MYO3B: variants seen among roughly 807,000 people sequenced by gnomAD.
The protein encoded by MYO3B is myosin-IIIb.
Under a neutral mutation model 174.6 loss-of-function variants are expected in MYO3B, and 156 were observed. The observed-to-expected ratio is 0.89, with a 90% confidence interval of 0.78 to 1.02. MYO3B has a LOEUF of 1.02. Ranked by LOEUF, MYO3B falls within the 50% of genes least tolerant of loss-of-function variation. The pLI is 0.00. For missense variants in MYO3B, 1,632 were observed against 1,639.4 expected (o/e 1.00, Z 0.08); for synonymous variants, 563 against 569.1 (o/e 0.99, Z 0.15).
intron 17 of MYO3B, among the ~76,000 whole-genome samples, chr2:170,400,665 C>T (rs372481103): frequency 6.7e-6 from 1 of 148,658 alleles, no homozygotes; most frequent in Non-Finnish European, 1.5e-5. Flanking sequence ...CCCTCGGCCT[C>T]CCAAAGTGTT....
Position 170,440,947 on chromosome 2 carries a change from G to A in MYO3B, c.2651-3020G>A, listed in dbSNP as rs903355667. Among the ~76,000 whole-genome samples, 11 of 151,028 alleles carry A rather than the reference G, an allele frequency of 7.3e-5. No homozygotes were observed. The East Asian group carries it at 1.2e-3, about 16-fold the overall frequency. On this transcript the variant is annotated intron_variant, in intron 22 of 34. Coordinates refer to ENST00000408978, the MANE Select transcript of MYO3B (RefSeq NM_138995.5). ...CTCCAGAGTAGCTGAGATTACAGGC[G>A]CGTGCCACCACGCCCGGCTAATTTT...
At chr2:170,521,622 C>T (rs1313703219) in intron 30 of MYO3B, among the ~76,000 whole-genome samples, 1 of 152,194 alleles carries the variant, frequency 6.6e-6, no homozygotes, top group Non-Finnish European at 1.5e-5. Flanking sequence ...GTGCAGTGTT[C>T]CTGCCATCCA....
chr2:170,377,320 G>T (rs774786524), intron 9 of MYO3B, among the ~76,000 whole-genome samples: 11 of 152,198 alleles, frequency 7.2e-5, no homozygotes, highest in Non-Finnish European at 1.6e-4. Context: ...GTCCTCTAAA[G>T]CTCCTTTCCC....
At chr2:170,188,416 CTATT>C (rs1559284802) in intron 1 of MYO3B, among the ~76,000 whole-genome samples, 3 of 152,164 alleles carry the variant, frequency 2.0e-5, no homozygotes, top group Admixed American at 2.0e-4. Flanking sequence ...ATTAAAAAAT[CTATT>C]TAGCCATTCT....
intron 32 of MYO3B, among the ~76,000 whole-genome samples, chr2:170,607,814 A>G (rs980814924): frequency 6.6e-6 from 1 of 152,198 alleles, no homozygotes; most frequent in Non-Finnish European, 1.5e-5. Flanking sequence ...TGTATTTAGC[A>G]TTTTATAATA....
intron 25 of MYO3B, among the ~76,000 whole-genome samples, chr2:170,493,344 T>C (rs1396954065): frequency 6.6e-6 from 1 of 152,298 alleles, no homozygotes; most frequent in African/African-American, 2.4e-5. Context: ...TTGTTTTTTT[T>C]CCCCTTGCAT....
chr2:170,203,502 G>C (rs1350255406), intron 3 of MYO3B, among the ~76,000 whole-genome samples: 16 of 141,984 alleles, frequency 1.1e-4, no homozygotes, highest in South Asian at 2.4e-4. Flanking sequence ...GGGCGGCGGG[G>C]GGGGGAGGGA....
chr2:170,293,102 C>A (rs574712175), intron 7 of MYO3B, among the ~76,000 whole-genome samples: 1 of 152,052 alleles, frequency 6.6e-6, no homozygotes. Context: ...GTTTTTTCAC[C>A]TCTCTGTGGC....
intron 32 of MYO3B, among the ~76,000 whole-genome samples, chr2:170,585,797 A>C (rs1178641087): frequency 2.6e-5 from 4 of 152,196 alleles, no homozygotes; most frequent in Non-Finnish European, 5.9e-5. Context: ...CACGCCTGTA[A>C]TCCCAGCACT....
chr2:170,298,324 G>T (rs1373117850), intron 7 of MYO3B, among the ~76,000 whole-genome samples: 1 of 152,066 alleles, frequency 6.6e-6, no homozygotes, highest in African/African-American at 2.4e-5. Context: ...GGCAGGAAGT[G>T]AGAATAATGT....
chr2:170,581,971 G>C (rs1693179067), intron 32 of MYO3B, among the ~76,000 whole-genome samples: 1 of 152,170 alleles, frequency 6.6e-6, no homozygotes. Flanking sequence ...AAAAGTTGAG[G>C]ATCACCTTAA....
At chr2:170,259,524 GA>G (rs1231159824) in intron 7 of MYO3B, among the ~76,000 whole-genome samples, 3 of 152,162 alleles carry the variant, frequency 2.0e-5, no homozygotes. Flanking sequence ...AATGAAGCTA[GA>G]CTCCTACCTA....
chr2:170,392,530 A>G, intron 16 of MYO3B, 35 bp downstream of exon 16: 9 of 1,301,550 alleles, frequency 6.9e-6, no homozygotes, highest in Non-Finnish European at 9.5e-6. Flanking sequence ...TCAAGTGACA[A>G]TATTCTTATA....
rs559034217 is a variant in MYO3B, at chr2:170,568,073, C to T, written c.3733+24085C>T. On this transcript the variant is annotated intron_variant, in intron 32 of 34. Transcript: ENST00000408978. ...GGCAGTACTGGGCAACTGGAGGCACCTCTGTCTACTTGATCTCTGTTTACC... is the reference window on the plus strand; with the variant it reads ...GGCAGTACTGGGCAACTGGAGGCACTTCTGTCTACTTGATCTCTGTTTACC... Among the ~76,000 whole-genome samples the T allele has an allele frequency of 5.1e-4, 78 of 152,270 alleles. 1 individual carries two copies. In the South Asian group the frequency reaches 0.013, roughly 26 times the overall value.
intron 20 of MYO3B, 123 bp downstream of exon 20, chr2:170,404,523 T>A: frequency 1.1e-6 from 1 of 907,306 alleles, no homozygotes; most frequent in African/African-American, 1.7e-5. Flanking sequence ...TGTAAGAATA[T>A]AGGCCTTCTT....
chr2:170,410,545 C>T (rs1238608100), intron 22 of MYO3B, among the ~76,000 whole-genome samples: 5 of 146,262 alleles, frequency 3.4e-5, no homozygotes, highest in Non-Finnish European at 5.9e-5. Flanking sequence ...CATGCCATTG[C>T]ACTCCAGCCT....
intron 6 of MYO3B, among the ~76,000 whole-genome samples, chr2:170,228,781 A>C (rs1480371584): frequency 1.3e-5 from 2 of 152,194 alleles, no homozygotes; most frequent in Admixed American, 6.5e-5. Flanking sequence ...CCCATAGAAC[A>C]TCACATTATA....
chr2:170,548,317 A>G (rs2106218640), intron 32 of MYO3B, among the ~76,000 whole-genome samples: 1 of 152,176 alleles, frequency 6.6e-6, no homozygotes, highest in Admixed American at 6.5e-5. Flanking sequence ...GAGTCATAGG[A>G]AATGAGGAGC....
chr2:170,350,044 C>T (rs931492914), intron 8 of MYO3B, among the ~76,000 whole-genome samples: 1 of 152,040 alleles, frequency 6.6e-6, no homozygotes, highest in African/African-American at 2.4e-5. Flanking sequence ...CTCTGTTGCC[C>T]AGGCTGGATT....
Sources: gnomAD v4.1 joint callset for allele counts (sites outside exome capture counted in the v4.1 genomes callset) on GRCh38, gnomAD v4.1.1 for gene constraint, MANE v1.5 for transcripts, NCBI Gene and HGNC (gene_info 2026-07-23, HGNC 2026-07-21) for gene names.